SHROOM4: variants seen among roughly 807,000 people sequenced by gnomAD.
SHROOM4 encodes the protein protein Shroom4.
In SHROOM4, 17 loss-of-function variants were observed where a neutral mutation model predicts 80.3. That is an observed-to-expected ratio of 0.21 (90% CI 0.14 to 0.32). The LOEUF (loss-of-function observed/expected upper bound fraction) is 0.32. Among genes scored for constraint, SHROOM4 ranks in the 10% least tolerant of loss-of-function variants. The pLI is 1.00. For missense variants in SHROOM4, 993 were observed against 1,140.3 expected, an observed-to-expected ratio of 0.87 and a Z score of 1.86; for synonymous variants, 400 against 437.5, an observed-to-expected ratio of 0.91 and a Z score of 1.07.
At chrX:50,740,997 C>T (rs782166252) in intron 1 of SHROOM4, among the ~76,000 whole-genome samples, 2 of 111,275 alleles carry the variant, frequency 1.8e-5, no homozygotes, top group African/African-American at 6.5e-5. Context: ...CAATTTCATT[C>T]TTCTGTATGT....
Position 50,621,776 on chromosome X carries a change from A to G in SHROOM4, c.2957+5838T>C, listed in dbSNP as rs188852960. The stretch of plus-strand genomic sequence containing the variant: ...GCTTCCTGAAAAGTGTACTCTTCCT[A>G]ATGAAATCAGATTCAACTCTGAATT... On this transcript the variant is annotated intron_variant, in intron 5 of 8. Coordinates refer to ENST00000376020, the MANE Select transcript of SHROOM4 (RefSeq NM_020717.5). Among the ~76,000 whole-genome samples the G allele has an allele frequency of 3.4e-3, 383 of 111,734 alleles. 3 individuals carry two copies. Among genetic ancestry groups the G allele is most frequent in the Non-Finnish European group, 6.2e-3 (329 of 53,086 alleles).
chrX:50,733,582 A>C (rs1195631684), intron 1 of SHROOM4, among the ~76,000 whole-genome samples: 1 of 111,953 alleles, frequency 8.9e-6, no homozygotes, highest in East Asian at 2.8e-4. Flanking sequence ...TCCCAGCCTC[A>C]AAAACTGTGA....
intron 1 of SHROOM4, among the ~76,000 whole-genome samples, chrX:50,697,173 C>T (rs965884472): frequency 3.6e-5 from 4 of 111,545 alleles, no homozygotes; most frequent in Non-Finnish European, 5.7e-5. Flanking sequence ...TCAACTAAGA[C>T]GGTCAGGTAA....
intron 1 of SHROOM4, among the ~76,000 whole-genome samples, chrX:50,711,526 CAAAAGG>C (rs1239858357): frequency 8.9e-6 from 1 of 111,797 alleles, no homozygotes. Context: ...AATTTTACCT[CAAAAGG>C]AAAAGAACAC....
At chrX:50,666,371 A>G (rs1275879704) in intron 2 of SHROOM4, among the ~76,000 whole-genome samples, 1 of 111,596 alleles carries the variant, frequency 9.0e-6, no homozygotes, top group Non-Finnish European at 1.9e-5. Context: ...TTTTATGGTG[A>G]TAACTTACTG....
chrX:50,609,621 A>G (rs1481098711), intron 5 of SHROOM4, among the ~76,000 whole-genome samples: 1 of 109,739 alleles, frequency 9.1e-6, no homozygotes, highest in Non-Finnish European at 1.9e-5. Flanking sequence ...GAGCTACATC[A>G]TATATTATAT....
At chrX:50,645,784 A>G (rs1931810122) in intron 2 of SHROOM4, among the ~76,000 whole-genome samples, 2 of 111,765 alleles carry the variant, frequency 1.8e-5, no homozygotes, top group South Asian at 3.8e-4. Flanking sequence ...AGGGGACGGT[A>G]AAGATGACTG....
chrX:50,588,169 A>G lies in SHROOM4; in HGVS notation c.*8526T>C, dbSNP rs1428839860. 9.0e-6 allele frequency among the ~76,000 whole-genome samples: 1 copy of G among 111,247 alleles called. No individual in the cohort carries two copies. The highest frequency in any genetic ancestry group is 3.3e-5 in the African/African-American group (1 of 30,582). ...GACTACATTGTTCTCATCAGATGGT[A>G]GTATTGAGCTTGCCAGAAAATTTTA... On this transcript the variant is annotated 3_prime_UTR_variant, in exon 9 of 9. Transcript: ENST00000376020.
At chrX:50,680,208 C>T (rs1474192512) in intron 2 of SHROOM4, among the ~76,000 whole-genome samples, 1 of 111,192 alleles carries the variant, frequency 9.0e-6, no homozygotes, top group Non-Finnish European at 1.9e-5. Context: ...TCGGAGTATC[C>T]CAGGGCTCAA....
rs1184951906 is a variant in SHROOM4 at position 50,592,473 on chromosome X, C to T, written c.*4222G>A. 8.8e-6 allele frequency: 2 copies of T among 228,501 alleles called. No homozygotes were observed. Among genetic ancestry groups the T allele is most frequent in the African/African-American group, 5.8e-5 (2 of 34,393 alleles). The allele number at this position is 228,501 out of a possible 1,213,427, so 18.8% of individuals were successfully genotyped here. Reference sequence around the variant, plus strand: ...AGGTTCATTGAATAAGTGGCAGAACCAGGATTTGAACACAGTTCATTCTAA... The same window carrying T: ...AGGTTCATTGAATAAGTGGCAGAACTAGGATTTGAACACAGTTCATTCTAA... On this transcript the variant is annotated 3_prime_UTR_variant, in exon 9 of 9. Coordinates refer to ENST00000376020, the MANE Select transcript of SHROOM4 (RefSeq NM_020717.5).
rs782579526 is a variant in SHROOM4 at position 50,590,645 on chromosome X, G to A, written c.*6050C>T. Among the ~76,000 whole-genome samples, 1 of 111,802 alleles carries A rather than the reference G, an allele frequency of 8.9e-6. No homozygotes were observed. Among genetic ancestry groups the A allele is most frequent in the Non-Finnish European group, 1.9e-5 (1 of 53,186 alleles). On this transcript the variant is annotated 3_prime_UTR_variant, in exon 9 of 9. Transcript: ENST00000376020. ...GCCCTCACAAGGCATTGAATCTGCT[G>A]GCATCTTGCTCTCAGATTTCCCAGT...
intron 2 of SHROOM4, among the ~76,000 whole-genome samples, chrX:50,646,036 T>A (rs1288823069): frequency 9.0e-6 from 1 of 111,646 alleles, no homozygotes; most frequent in Non-Finnish European, 1.9e-5. Flanking sequence ...AGCAGACCCC[T>A]GAAGAGATAC....
chrX:50,627,109 A>G (rs1161611811), intron 5 of SHROOM4, among the ~76,000 whole-genome samples: 1 of 111,800 alleles, frequency 8.9e-6, no homozygotes, highest in African/African-American at 3.3e-5. Context: ...GGAGAGACTA[A>G]TATTACCAAC....
chrX:50,745,664 A>G (rs1312886259), intron 1 of SHROOM4, among the ~76,000 whole-genome samples: 2 of 111,031 alleles, frequency 1.8e-5, no homozygotes, highest in Non-Finnish European at 3.8e-5. Flanking sequence ...AATGAGAGTC[A>G]CTAGCAGCCT....
intron 2 of SHROOM4, among the ~76,000 whole-genome samples, chrX:50,651,336 C>G (rs1042670421): frequency 4.5e-5 from 5 of 112,158 alleles, no homozygotes; most frequent in Admixed American, 9.4e-5. Context: ...ATTCTCATAA[C>G]CTTACTAAGT....
At chrX:50,620,032 T>C (rs1352858482) in intron 5 of SHROOM4, among the ~76,000 whole-genome samples, 1 of 111,606 alleles carries the variant, frequency 9.0e-6, no homozygotes, top group Non-Finnish European at 1.9e-5. Flanking sequence ...AGTAAGCATG[T>C]CTGGTAAGTA....
intron 1 of SHROOM4, among the ~76,000 whole-genome samples, chrX:50,795,075 GAT>G (rs782163043): frequency 0.088 from 1,933 of 22,061 alleles, 394 homozygotes; most frequent in African/African-American, 0.27. Flanking sequence ...ATATATATAT[GAT>G]ATATATATAT....
downstream of SHROOM4, among the ~76,000 whole-genome samples, chrX:50,585,931 C>T (rs782267026): frequency 6.2e-4 from 69 of 111,101 alleles, no homozygotes; most frequent in Non-Finnish European, 1.1e-3. Context: ...AAAATATCTA[C>T]CAGCCTGTGA....
chrX:50,792,173 G>A (rs1469396024), intron 1 of SHROOM4, among the ~76,000 whole-genome samples: 1 of 111,761 alleles, frequency 8.9e-6, no homozygotes, highest in African/African-American at 3.3e-5. Flanking sequence ...CAAACTAAAA[G>A]GCTTCTGCAC....
Sources: gnomAD v4.1 joint callset for allele counts (sites outside exome capture counted in the v4.1 genomes callset) on GRCh38, gnomAD v4.1.1 for gene constraint, MANE v1.5 for transcripts, NCBI Gene and HGNC (gene_info 2026-07-23, HGNC 2026-07-21) for gene names.